The following HPS5 variants were observed in gnomAD, a reference collection of about 807,000 sequenced individuals.
The protein encoded by HPS5 is BLOC-2 complex member HPS5.
A neutral mutation model predicts 128.0 loss-of-function variants in HPS5; 83 were observed. The ratio of observed to expected loss-of-function variants is 0.65; its 90% CI spans 0.54 to 0.78. The LOEUF is 0.78. Among genes scored for constraint, HPS5 ranks in the 30% least tolerant of loss-of-function variants. HPS5 has a pLI of 0.00. For missense variants in HPS5, 1,281 were observed against 1,326.2 expected (o/e 0.97, Z 0.53); for synonymous variants, 475 against 470.2 (o/e 1.01, Z -0.13).
rs1858623797 is a variant in HPS5, at chr11:18,279,769, T to C, written c.*113A>G. 6 of 982,824 alleles carry C rather than the reference T, an allele frequency of 6.1e-6. No individual in the cohort carries two copies. Among genetic ancestry groups the C allele is most frequent in the Admixed American group, 5.8e-5 (3 of 51,706 alleles). 60.9% of individuals were successfully genotyped at this position (982,824 alleles called of 1,614,324 possible). A position where few individuals can be genotyped will look rare whatever the true frequency, so the allele number is the denominator to read the frequency against. ...ACTGACAAAAGTAGCCCCAATAAGA[T>C]GGCAGGATTTGGGGGTGGTGTCTTT... On this transcript the variant is annotated 3_prime_UTR_variant, in exon 23 of 23. Coordinates refer to ENST00000349215, the MANE Select transcript of HPS5 (RefSeq NM_181507.2).
chr11:18,317,695 G>A, intron 2 of HPS5, 56 bp downstream of exon 2: 2 of 1,545,392 alleles, frequency 1.3e-6, no homozygotes, highest in Non-Finnish European at 1.8e-6. Flanking sequence ...GAGGGTAGGG[G>A]CACAGTAACA....
intron 5 of HPS5, among the ~76,000 whole-genome samples, chr11:18,309,894 C>T (rs1164616796): frequency 6.6e-6 from 1 of 152,070 alleles, no homozygotes; most frequent in Non-Finnish European, 1.5e-5. Context: ...CCCAGCTACT[C>T]AGGAGGTTTG....
chr11:18,301,377 A>C (rs2061163), intron 8 of HPS5, among the ~76,000 whole-genome samples: 108,763 of 149,728 alleles, frequency 0.73, 39,875 homozygotes, highest in East Asian at 0.97. Context: ...AATCACTTAC[A>C]GGGAGGCGGA....
At chr11:18,289,953 A>C (rs577871253) in intron 16 of HPS5, among the ~76,000 whole-genome samples, 36 of 152,346 alleles carry the variant, frequency 2.4e-4, no homozygotes, top group Non-Finnish European at 4.6e-4. Flanking sequence ...TGAGGCAGAC[A>C]TGTAAGCGAG....
chr11:18,320,290 G>A (rs963795592), intron 1 of HPS5, among the ~76,000 whole-genome samples: 3 of 152,070 alleles, frequency 2.0e-5, no homozygotes, highest in African/African-American at 4.8e-5. Context: ...TTTCAAGATC[G>A]CACATGAGCC....
chr11:18,282,063 G>T lies in HPS5; in HGVS notation c.3216C>A (p.Ala1072=), dbSNP rs1210658776. The T allele has an allele frequency of 6.2e-7, 1 of 1,614,094 alleles. No homozygotes were observed. The highest frequency in any genetic ancestry group is 2.2e-5 in the East Asian group (1 of 44,896). The change falls in exon 22 of 23, where the codon GCC becomes GCA. Residue 1072 remains alanine, a synonymous_variant. Transcript: ENST00000349215. Reference sequence around the variant, plus strand: ...GTGACCAAGCCCGATCTGGGCCCATGGCCTTAGCTAACAGAAGTGCCACAT... The same window carrying T: ...GTGACCAAGCCCGATCTGGGCCCATTGCCTTAGCTAACAGAAGTGCCACAT... ...VENVALLLAK[A]MGPDRAWSLL...
chr11:18,283,767 C>G (rs1233427669), intron 21 of HPS5, 28 bp downstream of exon 21: 48 of 1,533,664 alleles, frequency 3.1e-5, no homozygotes, highest in Non-Finnish European at 4.3e-5. Context: ...AATTGACAAC[C>G]AAGAGTAACC....
At chr11:18,282,296 G>A in intron 21 of HPS5, 76 bp from the exon 22 acceptor site, 1 of 1,534,162 alleles carries the variant, frequency 6.5e-7, no homozygotes, top group Non-Finnish European at 9.0e-7. Flanking sequence ...TCAAAACTGT[G>A]AAAATGTTTA....
At chr11:18,316,200 C>G (rs1277741309) in intron 2 of HPS5, among the ~76,000 whole-genome samples, 1 of 151,726 alleles carries the variant, frequency 6.6e-6, no homozygotes, top group Non-Finnish European at 1.5e-5. Flanking sequence ...GAGGATGAGG[C>G]AAGAGAATTA....
At chr11:18,304,921 G>A (rs1862176941) in intron 8 of HPS5, among the ~76,000 whole-genome samples, 1 of 152,212 alleles carries the variant, frequency 6.6e-6, no homozygotes, top group South Asian at 2.1e-4. Context: ...CAACTAGAAG[G>A]CTGGCTGAAC....
intron 6 of HPS5, 77 bp downstream of exon 6, chr11:18,308,869 C>T: frequency 7.1e-7 from 1 of 1,417,178 alleles, no homozygotes; most frequent in Non-Finnish European, 1.0e-6. Context: ...ATTGATGGGG[C>T]TTGGGGTAGA....
chr11:18,305,390 C>T, intron 8 of HPS5, 32 bp downstream of exon 8: 2 of 1,363,068 alleles, frequency 1.5e-6, no homozygotes, highest in Non-Finnish European at 2.1e-6. Flanking sequence ...TATTCTTTTT[C>T]CCCCCCAGAA....
rs754397560 is a variant in HPS5, at chr11:18,310,951, CAG to C, written c.285-20_285-19del. 13 of 1,607,284 alleles carry C rather than the reference CAG, an allele frequency of 8.1e-6. No homozygotes were observed. The highest frequency in any genetic ancestry group is 1.0e-5 in the Non-Finnish European group (12 of 1,173,852). Reference sequence around the variant, plus strand: ...GACCTTGACTGCAAGAATTGAGTCACAGAGGCAAACGTGGCAACAGTGAACAA... The same window carrying C: ...GACCTTGACTGCAAGAATTGAGTCACAGGCAAACGTGGCAACAGTGAACAA... On this transcript the variant is annotated intron_variant, in intron 4 of 22. Coordinates refer to ENST00000349215, the MANE Select transcript of HPS5 (RefSeq NM_181507.2).
chr11:18,321,715 G>A (rs908118385), intron 1 of HPS5, among the ~76,000 whole-genome samples: 2 of 152,174 alleles, frequency 1.3e-5, no homozygotes, highest in African/African-American at 2.4e-5. Context: ...ATGAGAAGGG[G>A]AAGTTGCAGA....
intron 22 of HPS5, 83 bp from the exon 23 acceptor site, chr11:18,280,025 A>C: frequency 2.1e-6 from 3 of 1,396,740 alleles, no homozygotes; most frequent in Non-Finnish European, 2.0e-6. Context: ...ACAGAGTTTC[A>C]GAGGATTCAA....
chr11:18,280,068 A>ATT (rs1858673982), intron 22 of HPS5, 126 bp from the exon 23 acceptor site: 3 of 922,256 alleles, frequency 3.3e-6, no homozygotes, highest in Non-Finnish European at 5.2e-6. Context: ...TAAAAGACAC[A>ATT]ATGCACAGAG....
At chr11:18,313,325 G>A (rs980748146) in intron 2 of HPS5, among the ~76,000 whole-genome samples, 3 of 152,156 alleles carry the variant, frequency 2.0e-5, no homozygotes, top group Non-Finnish European at 2.9e-5. Context: ...CTGCACCCAC[G>A]CCTGGGGGCA....
In HPS5 at chr11:18,291,736, A is replaced by T; in HGVS notation, c.2146T>A (p.Ser716Thr). 1 of 1,613,916 alleles carries T rather than the reference A, an allele frequency of 6.2e-7. No homozygotes were observed. Reference sequence around the variant, plus strand: ...CATATTTGAAACAGGTCATCCAAAGACTCCCTTGGACTCCTTACACATTCA... The same window carrying T: ...CATATTTGAAACAGGTCATCCAAAGTCTCCCTTGGACTCCTTACACATTCA... The part of the protein sequence containing the change: ...ACECVRSPRE[S>T]LDDLFQICSP... Residue 716 changes from serine to threonine, a missense_variant, in exon 16 of 23, where the codon TCT becomes ACT. Coordinates refer to ENST00000349215, the MANE Select transcript of HPS5 (RefSeq NM_181507.2).
At position 18,298,907 on chromosome 11, in the gene HPS5, G is replaced by C. The variant is rs1861391136; in HGVS notation, c.1049C>G (p.Ser350Ter). 6.2e-7 allele frequency: 1 copy of C among 1,614,150 alleles called. No individual in the cohort carries two copies. Among genetic ancestry groups the C allele is most frequent in the East Asian group, 2.2e-5 (1 of 44,888 alleles). The stretch of plus-strand genomic sequence containing the variant: ...CTCCACAGATATCAGGGAGAGATGT[G>C]AGACTTTCCCATTTAGGTGCAAACA... ...LFCLHLNGKV[S>*]HLSLISVERC... Residue 350 changes from serine to a stop codon, truncating the protein, a stop_gained, in exon 10 of 23, where the codon TCA (serine) becomes TGA (stop). Coordinates refer to ENST00000349215, the MANE Select transcript of HPS5 (RefSeq NM_181507.2). LOFTEE classifies it high-confidence loss of function.
Sources: gnomAD v4.1 joint callset for allele counts (sites outside exome capture counted in the v4.1 genomes callset) on GRCh38, gnomAD v4.1.1 for gene constraint, MANE v1.5 for transcripts, NCBI Gene and HGNC (gene_info 2026-07-23, HGNC 2026-07-21) for gene names.